Variants in MOCOS observed in about 807,000 individuals in gnomAD.
MOCOS encodes molybdenum cofactor sulfurase, also known as human molybdenum cofactor sulfurase.
A neutral mutation model predicts 83.6 loss-of-function variants in MOCOS; 86 were observed. That is an observed-to-expected ratio of 1.03 (90% confidence interval 0.86 to 1.23). The LOEUF is 1.23. Among genes scored for constraint, MOCOS ranks in the 50% most tolerant of loss-of-function variants. MOCOS has a pLI of 0.00. For synonymous variants in MOCOS, 445 were observed against 434.7 expected, an observed-to-expected ratio of 1.02 and a Z score of -0.29; for missense variants, 1,120 against 1,126.9, an observed-to-expected ratio of 0.99 and a Z score of 0.09.
chr18:36,220,320 A>G (rs2091491504), intron 9 of MOCOS, 103 bp downstream of exon 9: 3 of 1,434,522 alleles, frequency 2.1e-6, no homozygotes, highest in Non-Finnish European at 2.9e-6. Flanking sequence ...AGCCTGGGCA[A>G]TACAGTGAGA....
At chr18:36,209,890 G>C (rs1414416185) in intron 6 of MOCOS, among the ~76,000 whole-genome samples, 1 of 152,162 alleles carries the variant, frequency 6.6e-6, no homozygotes, top group Non-Finnish European at 1.5e-5. Context: ...TTTTTGTAGA[G>C]ACAGGGTTTT....
intron 11 of MOCOS, among the ~76,000 whole-genome samples, chr18:36,253,278 T>C (rs491339): frequency 0.42 from 63,819 of 151,924 alleles, 13,906 homozygotes; most frequent in Admixed American, 0.54. Flanking sequence ...ACGTAAGAGA[T>C]GTAATAAAGG....
intron 9 of MOCOS, among the ~76,000 whole-genome samples, chr18:36,242,818 G>T (rs914026436): frequency 6.6e-5 from 10 of 152,250 alleles, no homozygotes; most frequent in Admixed American, 4.6e-4. Context: ...AGGGAAAACT[G>T]CCCCTGTGAT....
At chr18:36,190,010 A>G (rs1303445754) in intron 1 of MOCOS, 1 of 152,284 alleles carries the variant, frequency 6.6e-6, no homozygotes, top group South Asian at 2.1e-4. Flanking sequence ...TTCTCCTAAC[A>G]TCACATCTAT....
At chr18:36,237,068 T>C (rs1162109394) in intron 9 of MOCOS, among the ~76,000 whole-genome samples, 2 of 147,950 alleles carry the variant, frequency 1.4e-5, no homozygotes, top group Non-Finnish European at 3.0e-5. Context: ...TACAATCATG[T>C]CATCTGCAAA....
At chr18:36,223,820 T>C (rs1238809227) in intron 9 of MOCOS, among the ~76,000 whole-genome samples, 1 of 152,176 alleles carries the variant, frequency 6.6e-6, no homozygotes, top group African/African-American at 2.4e-5. Context: ...TTCACCTCCT[T>C]AGATAAGTTT....
At position 36,213,842 on chromosome 18, in the gene MOCOS, T is replaced by C. The variant is rs548630281; in HGVS notation, c.1335+360T>C. Among the ~76,000 whole-genome samples, 5 of 149,204 alleles carry C rather than the reference T, an allele frequency of 3.4e-5. No homozygotes were observed. The East Asian group carries it at 1.0e-3, about 30-fold the overall frequency. ...TACTTGGGAGGCTGAGGCAGGAGAATCGTTTGAGCCCAGGAGGCAGAGGTT... is the reference window on the plus strand; with the variant it reads ...TACTTGGGAGGCTGAGGCAGGAGAACCGTTTGAGCCCAGGAGGCAGAGGTT... On this transcript the variant is annotated intron_variant, in intron 7 of 14. Coordinates refer to ENST00000261326, the MANE Select transcript of MOCOS (RefSeq NM_017947.4).
intron 13 of MOCOS, among the ~76,000 whole-genome samples, chr18:36,262,409 G>C (rs566737054): frequency 6.6e-6 from 1 of 152,214 alleles, no homozygotes; most frequent in South Asian, 2.1e-4. Context: ...GGGTCTCAGA[G>C]CAAGATCCTG....
At position 36,200,268 on chromosome 18, in the gene MOCOS, C is replaced by G; in HGVS notation, c.885C>G (p.Ala295=). ...LRKTYFGGGT[A]SAYLAGEDFY... is the part of the protein sequence containing the mutation. Reference sequence around the variant, plus strand: ...AGACCTACTTTGGAGGAGGGACAGCCTCTGCGTACCTAGCAGGAGAAGACT... The same window carrying G: ...AGACCTACTTTGGAGGAGGGACAGCGTCTGCGTACCTAGCAGGAGAAGACT... Residue 295 remains alanine (A), a synonymous_variant, in exon 4 of 15, where the codon GCC becomes GCG. Coordinates refer to ENST00000261326, the MANE Select transcript of MOCOS (RefSeq NM_017947.4). The G allele has an allele frequency of 6.2e-7, 1 of 1,614,142 alleles. No homozygotes were observed. The highest frequency in any genetic ancestry group is 8.5e-7 in the Non-Finnish European group (1 of 1,180,024).
chr18:36,253,450 G>A (rs528947761), intron 11 of MOCOS, among the ~76,000 whole-genome samples: 34 of 152,152 alleles, frequency 2.2e-4, no homozygotes, highest in African/African-American at 7.2e-4. Context: ...GGCAGATCAC[G>A]AGGTCAGGAG....
intron 1 of MOCOS, among the ~76,000 whole-genome samples, chr18:36,190,854 G>A (rs2091362207): frequency 6.6e-6 from 1 of 151,622 alleles, no homozygotes; most frequent in Admixed American, 6.6e-5. Context: ...GGCCAACATG[G>A]CAAAACCCAG....
At chr18:36,243,678 T>G (rs2091592404) in intron 9 of MOCOS, among the ~76,000 whole-genome samples, 1 of 152,200 alleles carries the variant, frequency 6.6e-6, no homozygotes, top group Admixed American at 6.5e-5. Flanking sequence ...TGAAATAGTT[T>G]CAGTAGGATT....
intron 2 of MOCOS, among the ~76,000 whole-genome samples, chr18:36,196,926 G>A (rs191838221): frequency 6.6e-6 from 1 of 152,106 alleles, no homozygotes; most frequent in Admixed American, 6.5e-5. Flanking sequence ...CAAATTCTGC[G>A]TTAATGAGCA....
At position 36,199,737 on chromosome 18, in the gene MOCOS, C is replaced by G. The variant is rs777970237; in HGVS notation, c.354C>G (p.Ala118=). 6.2e-7 allele frequency: 1 copy of G among 1,614,138 alleles called. No individual in the cohort carries two copies. The highest frequency in any genetic ancestry group is 8.5e-7 in the Non-Finnish European group (1 of 1,180,042). The part of the protein sequence containing the change: ...TAEDYTVIFT[A]GSTAALKLVA... Reference sequence around the variant, plus strand: ...AAGACTACACTGTGATCTTCACTGCCGGGAGCACGGCTGCTCTCAAACTGG... The same window carrying G: ...AAGACTACACTGTGATCTTCACTGCGGGGAGCACGGCTGCTCTCAAACTGG... The change falls in exon 4 of 15, where the codon GCC becomes GCG. Residue 118 remains alanine (A), a synonymous_variant. Transcript: ENST00000261326.
At chr18:36,249,968 G>A (rs762426978) in intron 10 of MOCOS, among the ~76,000 whole-genome samples, 2 of 152,084 alleles carry the variant, frequency 1.3e-5, no homozygotes, top group Admixed American at 6.5e-5. Context: ...GAATGTAATA[G>A]CATTGCTATT....
At chr18:36,188,624 C>T (rs2091352061) in intron 1 of MOCOS, among the ~76,000 whole-genome samples, 1 of 152,218 alleles carries the variant, frequency 6.6e-6, no homozygotes, top group Non-Finnish European at 1.5e-5. Context: ...CGATGAACAA[C>T]TGGTGACTGC....
At chr18:36,223,671 A>T (rs1424020364) in intron 9 of MOCOS, among the ~76,000 whole-genome samples, 1 of 152,150 alleles carries the variant, frequency 6.6e-6, no homozygotes, top group Non-Finnish European at 1.5e-5. Flanking sequence ...GAATCTGCGG[A>T]TTGCTTTGGG....
In MOCOS at chr18:36,200,316, A is replaced by T. The variant is rs768706623; in HGVS notation, c.933A>T (p.Val311=). Residue 311 remains valine (V), a synonymous_variant, in exon 4 of 15, where the codon GTA becomes GTT. Transcript: ENST00000261326. ...GEDFYIPRQS[V]AQRFEDGTIS... is the part of the protein sequence containing the mutation. The stretch of plus-strand genomic sequence containing the variant: ...ACTTCTACATCCCGAGGCAGTCGGT[A>T]GCTCAGAGGTAACCTTGCCACAGGG... 1.2e-6 allele frequency: 2 copies of T among 1,613,916 alleles called. No homozygotes were observed. The highest frequency in any genetic ancestry group is 1.7e-6 in the Non-Finnish European group (2 of 1,180,036).
chr18:36,261,574 T>G (rs1392484106), intron 13 of MOCOS, among the ~76,000 whole-genome samples: 1 of 152,182 alleles, frequency 6.6e-6, no homozygotes, highest in African/African-American at 2.4e-5. Context: ...TAAAGAATTT[T>G]AGAGATCTGG....
Sources: allele counts gnomAD v4.1 joint callset (sites outside exome capture counted in the v4.1 genomes callset), GRCh38; gene constraint gnomAD v4.1.1; transcripts MANE v1.5; gene names NCBI Gene and HGNC (gene_info 2026-07-23, HGNC 2026-07-21).